Variants in HIPK1 observed in about 807,000 individuals in gnomAD.
The protein encoded by HIPK1 is homeodomain-interacting protein kinase 1.
HIPK1 carries 28 observed loss-of-function variants against 117.1 expected under a neutral mutation model. The observed-to-expected ratio is 0.24, with a 90% CI of 0.18 to 0.33. The LOEUF is 0.33. HIPK1 is among the 10% of genes least tolerant of loss of function. The probability of loss-of-function intolerance (pLI) is 1.00; values close to 1 mark genes in which losing one functional copy is unlikely to be tolerated. For synonymous variants in HIPK1, 605 were observed against 562.5 expected, an observed-to-expected ratio of 1.08 and a Z score of -1.07; for missense variants, 1,122 against 1,475.1, an observed-to-expected ratio of 0.76 and a Z score of 3.92.
At chr1:113,968,096 C>T in intron 12 of HIPK1, 148 bp downstream of exon 12, 1 of 682,240 alleles carries the variant, frequency 1.5e-6, no homozygotes, top group Non-Finnish European at 2.4e-6. Flanking sequence ...TTCATCTGGG[C>T]ATGTACACCA....
intron 5 of HIPK1, 82 bp downstream of exon 5, chr1:113,955,731 A>G: frequency 4.3e-6 from 3 of 702,248 alleles, no homozygotes; most frequent in Non-Finnish European, 7.3e-6. Context: ...GACAAATTTA[A>G]TGTTATCTTT....
rs2101509655 is a variant in HIPK1, at chr1:113,971,951, C to T, written c.3141C>T (p.Ser1047=). 6.2e-7 allele frequency: 1 copy of T among 1,611,088 alleles called. No individual in the cohort carries two copies. The highest frequency in any genetic ancestry group is 1.7e-4 in the Middle Eastern group (1 of 6,060). ...GTGCAGCACAACCACTCAATCTTAG[C>T]CAGGTAAGTGCTATGGGCTACTGCC... ...GTSAAQPLNL[S]QNQQSSAAPT... The change falls in exon 15 of 16, where the codon AGC becomes AGT. Residue 1047 remains serine, a synonymous_variant. Transcript: ENST00000426820.
intron 11 of HIPK1, 83 bp downstream of exon 11, chr1:113,966,355 G>A (rs1672446766): frequency 7.7e-7 from 1 of 1,303,084 alleles, no homozygotes; most frequent in Non-Finnish European, 1.0e-6. Flanking sequence ...AGAGAGACTA[G>A]TAAGAAAATA....
At chr1:113,968,733 A>G in intron 13 of HIPK1, 85 bp downstream of exon 13, 1 of 1,117,660 alleles carries the variant, frequency 8.9e-7, no homozygotes, top group Non-Finnish European at 1.3e-6. Context: ...TGTGAAAGAA[A>G]GGACCGGTGG....
chr1:113,966,293 T>C (rs914197880), intron 11 of HIPK1, 21 bp downstream of exon 11: 5 of 1,600,668 alleles, frequency 3.1e-6, no homozygotes, highest in South Asian at 1.1e-5. Flanking sequence ...TGTGTTACTC[T>C]GGGAGATTTG....
intron 2 of HIPK1, among the ~76,000 whole-genome samples, chr1:113,946,288 C>T (rs752345348): frequency 2.6e-5 from 4 of 152,142 alleles, no homozygotes; most frequent in Non-Finnish European, 4.4e-5. Context: ...ACTAGGCAGA[C>T]CACAGCTGAA....
At chr1:113,961,919 G>C (rs1392709684) in intron 8 of HIPK1, among the ~76,000 whole-genome samples, 4 of 144,468 alleles carry the variant, frequency 2.8e-5, no homozygotes, top group African/African-American at 1.0e-4. Flanking sequence ...CTCCAGCCTG[G>C]GTGACAGAGC....
At chr1:113,963,544 G>A in intron 10 of HIPK1, 23 bp downstream of exon 10, 1 of 1,575,824 alleles carries the variant, frequency 6.3e-7, no homozygotes, top group Non-Finnish European at 8.6e-7. Context: ...ACTTGATTGT[G>A]TTACTAACGG....
rs1672602810 is a variant in HIPK1 at position 113,968,482 on chromosome 1, G to T, written c.2605G>T (p.Val869Phe). ...TCTGCCTTCCCAAGTCTATTCTCTG[G>T]TTGGGAGCAGTCCCCTCCGCACCAC... ...DVLPSQVYSL[V>F]GSSPLRTTSS... Residue 869 changes from valine to phenylalanine, a missense_variant, in exon 13 of 16, where the codon GTT becomes TTT. Coordinates refer to ENST00000426820, the MANE Select transcript of HIPK1 (RefSeq NM_198268.3). 6.2e-7 allele frequency: 1 copy of T among 1,613,886 alleles called. No individual in the cohort carries two copies. Among genetic ancestry groups the T allele is most frequent in the African/African-American group, 1.3e-5 (1 of 74,892 alleles).
intron 4 of HIPK1, 74 bp from the exon 5 acceptor site, chr1:113,955,489 C>A: frequency 1.1e-6 from 1 of 888,124 alleles, no homozygotes; most frequent in Non-Finnish European, 1.8e-6. Context: ...CTCTTGTATT[C>A]TGGCTTTGGT....
intron 8 of HIPK1, among the ~76,000 whole-genome samples, chr1:113,961,582 GTTATAC>G (rs1672106355): frequency 6.6e-6 from 1 of 152,116 alleles, no homozygotes; most frequent in Non-Finnish European, 1.5e-5. Context: ...TTCACTAAAA[GTTATAC>G]TTAAGCCTTT....
At chr1:113,932,301 AT>A (rs1224688210) in intron 1 of HIPK1, 1 of 151,950 alleles carries the variant, frequency 6.6e-6, no homozygotes, top group African/African-American at 2.4e-5. Flanking sequence ...AGGAAAAAGA[AT>A]GAGAAGACCT....
chr1:113,939,057 TA>T (rs1263679943), intron 1 of HIPK1, among the ~76,000 whole-genome samples: 1 of 152,054 alleles, frequency 6.6e-6, no homozygotes, highest in Non-Finnish European at 1.5e-5. Flanking sequence ...TGGTAGACAC[TA>T]TCATTTTACA....
chr1:113,964,902 T>C (rs1049855079), intron 10 of HIPK1, among the ~76,000 whole-genome samples: 2 of 152,278 alleles, frequency 1.3e-5, no homozygotes, highest in African/African-American at 4.8e-5. Flanking sequence ...GTTCGTCGCT[T>C]GGAACGCCAG....
In HIPK1 at chr1:113,973,935, A is replaced by G. The variant is rs1673007321; in HGVS notation, c.*423A>G. On this transcript the variant is annotated 3_prime_UTR_variant, in exon 16 of 16. Transcript: ENST00000426820. ...TTATTGTGATTGCTGGTCAGGAAAA[A>G]TGCTGATAGAAGGAGTTGAAATCTG... The G allele has an allele frequency of 6.4e-6, 1 of 155,608 alleles. No individual in the cohort carries two copies. Among genetic ancestry groups the G allele is most frequent in the Non-Finnish European group, 1.4e-5 (1 of 70,488 alleles). 9.6% of individuals were successfully genotyped at this position (155,608 alleles called of 1,614,324 possible). A position where few individuals can be genotyped will look rare whatever the true frequency, so the allele number is the denominator to read the frequency against.
intron 8 of HIPK1, among the ~76,000 whole-genome samples, chr1:113,960,631 G>A (rs1312110767): frequency 1.3e-5 from 2 of 152,090 alleles, no homozygotes; most frequent in African/African-American, 4.8e-5. Context: ...ATGTATCCAT[G>A]TCCTACTATA....
intron 1 of HIPK1, among the ~76,000 whole-genome samples, chr1:113,936,938 T>C (rs1174945088): frequency 6.6e-6 from 1 of 152,258 alleles, no homozygotes; most frequent in East Asian, 1.9e-4. Context: ...AAAACAAATT[T>C]AGAAAATTTG....
At position 113,971,116 on chromosome 1, in the gene HIPK1, G is replaced by C. The variant is rs538834046; in HGVS notation, c.3014-708G>C. Among the ~76,000 whole-genome samples, 12 of 152,334 alleles carry C rather than the reference G, an allele frequency of 7.9e-5. No homozygotes were observed. The South Asian group carries it at 1.5e-3, about 18-fold the overall frequency. ...TATCTTACTGCCATAGACATAAACA[G>C]GGTTGTAATTTGAGGGTATTGTGTT... On this transcript the variant is annotated intron_variant, in intron 14 of 15. Transcript: ENST00000426820.
chr1:113,971,265 A>G (rs554088760), intron 14 of HIPK1, among the ~76,000 whole-genome samples: 1 of 152,328 alleles, frequency 6.6e-6, no homozygotes, highest in African/African-American at 2.4e-5. Context: ...GGGTCCAGAG[A>G]ATATAGGCTA....
Sources: gnomAD v4.1 joint callset for allele counts (sites outside exome capture counted in the v4.1 genomes callset) on GRCh38, gnomAD v4.1.1 for gene constraint, MANE v1.5 for transcripts, NCBI Gene and HGNC (gene_info 2026-07-23, HGNC 2026-07-21) for gene names.